The following TBC1D4 variants were observed in gnomAD, a reference collection of about 807,000 sequenced individuals.
The protein encoded by TBC1D4 is TBC1 domain family member 4.
Under a neutral mutation model 142.5 loss-of-function variants are expected in TBC1D4, and 121 were observed. The observed-to-expected ratio is 0.85, with a 90% CI of 0.73 to 0.99. TBC1D4 has a LOEUF of 0.99. TBC1D4 is among the 50% of genes least tolerant of loss of function. The probability of loss-of-function intolerance (pLI) is 0.00; values close to 1 mark genes in which losing one functional copy is unlikely to be tolerated. For missense variants in TBC1D4, 1,475 were observed against 1,606.6 expected, an observed-to-expected ratio of 0.92 and a Z score of 1.40; for synonymous variants, 630 against 628.2, an observed-to-expected ratio of 1.00 and a Z score of -0.04.
chr13:75,324,852 G>T (rs1216222627), intron 10 of TBC1D4, among the ~76,000 whole-genome samples: 3 of 152,204 alleles, frequency 2.0e-5, no homozygotes, highest in Non-Finnish European at 4.4e-5. Flanking sequence ...ATGTTTGGTT[G>T]TTGGAAGTTA....
At chr13:75,434,107 C>T (rs1886694064) in intron 1 of TBC1D4, among the ~76,000 whole-genome samples, 1 of 152,126 alleles carries the variant, frequency 6.6e-6, no homozygotes, top group African/African-American at 2.4e-5. Context: ...TACAGCAATT[C>T]CTCAAAGAGC....
intron 1 of TBC1D4, among the ~76,000 whole-genome samples, chr13:75,397,888 C>T (rs943666378): frequency 6.6e-6 from 1 of 152,172 alleles, no homozygotes; most frequent in Non-Finnish European, 1.5e-5. Flanking sequence ...TTAATAGAAG[C>T]AATTAAATGA....
intron 1 of TBC1D4, among the ~76,000 whole-genome samples, chr13:75,467,452 T>C (rs1465954539): frequency 6.6e-6 from 1 of 152,162 alleles, no homozygotes; most frequent in East Asian, 1.9e-4. Flanking sequence ...TCATCAATGG[T>C]GTAAAAAGAA....
At chr13:75,393,933 A>C (rs898057431) in intron 1 of TBC1D4, among the ~76,000 whole-genome samples, 5 of 151,850 alleles carry the variant, frequency 3.3e-5, no homozygotes, top group African/African-American at 1.2e-4. Context: ...GTCTCAAAAA[A>C]AAAAAAACAA....
At chr13:75,441,535 A>C (rs1345204224) in intron 1 of TBC1D4, among the ~76,000 whole-genome samples, 1 of 152,214 alleles carries the variant, frequency 6.6e-6, no homozygotes, top group East Asian at 1.9e-4. Flanking sequence ...TGAGTAACTT[A>C]AAAGCACTAT....
intron 1 of TBC1D4, among the ~76,000 whole-genome samples, chr13:75,392,934 C>T (rs1466668882): frequency 6.6e-6 from 1 of 152,094 alleles, no homozygotes; most frequent in African/African-American, 2.4e-5. Flanking sequence ...GCCACTGTAC[C>T]TAGCCTTTTT....
intron 1 of TBC1D4, among the ~76,000 whole-genome samples, chr13:75,463,231 T>G (rs554883399): frequency 2.0e-5 from 3 of 152,094 alleles, no homozygotes; most frequent in Admixed American, 2.0e-4. Flanking sequence ...GAAGCAGTAG[T>G]GTAATGATGT....
At chr13:75,312,487 T>C (rs1877873985) in intron 13 of TBC1D4, among the ~76,000 whole-genome samples, 1 of 151,282 alleles carries the variant, frequency 6.6e-6, no homozygotes, top group African/African-American at 2.4e-5. Context: ...ACTATCACAG[T>C]TCCGTCTACC....
At chr13:75,295,229 C>A (rs1032854903) in intron 17 of TBC1D4, among the ~76,000 whole-genome samples, 1 of 152,112 alleles carries the variant, frequency 6.6e-6, no homozygotes, top group Admixed American at 6.5e-5. Flanking sequence ...GAAGACTGAG[C>A]AAGTTTCTCT....
At chr13:75,409,900 G>C (rs1404317314) in intron 1 of TBC1D4, among the ~76,000 whole-genome samples, 1 of 152,122 alleles carries the variant, frequency 6.6e-6, no homozygotes, top group Non-Finnish European at 1.5e-5. Context: ...CATCTCTGGA[G>C]GAAATGAATT....
In TBC1D4 at chr13:75,285,529, G is replaced by GA. The variant is rs1035217905; in HGVS notation, c.*1262dup. ...TTCCTTGCCTATACCCAGCATGCGTGAATGTCATCTAATGAGCTATTTGTA... is the reference window on the plus strand; with the variant it reads ...TTCCTTGCCTATACCCAGCATGCGTGAAATGTCATCTAATGAGCTATTTGTA... On this transcript the variant is annotated 3_prime_UTR_variant, in exon 21 of 21. Coordinates refer to ENST00000377636, the MANE Select transcript of TBC1D4 (RefSeq NM_014832.5). 6.6e-6 allele frequency: 1 copy of GA among 152,648 alleles called. No homozygotes were observed. Among genetic ancestry groups the GA allele is most frequent in the Non-Finnish European group, 1.5e-5 (1 of 68,038 alleles). 9.5% of individuals were successfully genotyped at this position (152,648 alleles called of 1,614,324 possible).
chr13:75,362,430 T>G lies in TBC1D4; in HGVS notation c.676A>C (p.Met226Leu). 4 of 1,614,252 alleles carry G rather than the reference T, an allele frequency of 2.5e-6. No individual in the cohort carries two copies. Among genetic ancestry groups the G allele is most frequent in the Non-Finnish European group, 3.4e-6 (4 of 1,180,044 alleles). The change falls in exon 2 of 21, where the codon ATG (methionine) becomes CTG (leucine). Residue 226 changes from methionine (M) to leucine (L), a missense_variant. Met to Leu is a conservative substitution (Grantham distance 15). Transcript: ENST00000377636. The surrounding 1 kb of genome is among the most constrained non-coding windows in gnomAD (Gnocchi z 4.2). The part of the protein sequence containing the change: ...KAPSSLIDDC[M>L]EKFSLHEQQR... ...TGTTCGTGCAGGCTGAACTTCTCCA[T>G]GCAGTCATCGATGAGGCTTGAGGGG...
At chr13:75,354,254 C>T (rs1226972849) in intron 4 of TBC1D4, among the ~76,000 whole-genome samples, 3 of 152,174 alleles carry the variant, frequency 2.0e-5, no homozygotes, top group African/African-American at 7.2e-5. Context: ...TGTCCCTTAA[C>T]AGTGAGGCAT....
At chr13:75,361,715 C>T (rs995287376) in intron 2 of TBC1D4, among the ~76,000 whole-genome samples, 42 of 152,000 alleles carry the variant, frequency 2.8e-4, no homozygotes, top group African/African-American at 9.7e-4. Context: ...TGAGAATCAC[C>T]CCAAGGCAAA....
chr13:75,454,286 G>A (rs1314701649), intron 1 of TBC1D4, among the ~76,000 whole-genome samples: 1 of 152,126 alleles, frequency 6.6e-6, no homozygotes, highest in Non-Finnish European at 1.5e-5. Context: ...AAAGTTCTGG[G>A]ATTACAGGTG....
chr13:75,469,122 G>C lies in TBC1D4; in HGVS notation c.498+12148C>G, dbSNP rs112524742. Among the ~76,000 whole-genome samples the C allele has an allele frequency of 4.4e-3, 664 of 152,274 alleles. 3 individuals carry two copies. The highest frequency in any genetic ancestry group is 0.015 in the African/African-American group (633 of 41,562). ...AGCTCGCAAAGAATGGCAGTCACAA[G>C]TACAAAGGCTCTGGAGTGATTTAAG... On this transcript the variant is annotated intron_variant, in intron 1 of 20. Transcript: ENST00000377636.
intron 1 of TBC1D4, among the ~76,000 whole-genome samples, chr13:75,435,170 T>C (rs1365495689): frequency 2.0e-5 from 3 of 151,736 alleles, no homozygotes; most frequent in Admixed American, 2.0e-4. Context: ...ATACTATAAA[T>C]AAAAGAGAAT....
At chr13:75,450,609 G>C (rs1476812998) in intron 1 of TBC1D4, among the ~76,000 whole-genome samples, 4 of 152,182 alleles carry the variant, frequency 2.6e-5, no homozygotes, top group Non-Finnish European at 5.9e-5. Flanking sequence ...ACAATATGCA[G>C]AGAATACTGC....
chr13:75,291,099 G>T (rs117296420), intron 19 of TBC1D4, among the ~76,000 whole-genome samples: 1 of 152,056 alleles, frequency 6.6e-6, no homozygotes, highest in East Asian at 1.9e-4. Flanking sequence ...CTACACATAC[G>T]GTGTGCAGAT....
Sources: gnomAD v4.1 joint callset for allele counts (sites outside exome capture counted in the v4.1 genomes callset) on GRCh38, gnomAD v4.1.1 for gene constraint, Gnocchi (gnomAD v3.1) non-coding constraint, MANE v1.5 for transcripts, NCBI Gene and HGNC (gene_info 2026-07-23, HGNC 2026-07-21) for gene names.